UBE3C: variants seen among roughly 807,000 people sequenced by gnomAD.
UBE3C encodes ubiquitin-protein ligase E3C.
UBE3C carries 42 observed loss-of-function variants against 129.4 expected under a neutral mutation model. That is an observed-to-expected ratio of 0.32 (90% CI 0.25 to 0.42). UBE3C has a LOEUF of 0.42. Ranked by LOEUF, UBE3C falls within the 10% of genes least tolerant of loss-of-function variation. The pLI is 1.00. For missense variants in UBE3C, 1,049 were observed against 1,319.1 expected (o/e 0.80, Z 3.17); for synonymous variants, 510 against 492.4 (o/e 1.04, Z -0.47).
intron 1 of UBE3C, among the ~76,000 whole-genome samples, chr7:157,153,498 G>A (rs921115300): frequency 9.2e-5 from 14 of 152,214 alleles, no homozygotes; most frequent in African/African-American, 3.1e-4. Context: ...GTCTCACGGC[G>A]TTGCCCAGGC....
intron 8 of UBE3C, 52 bp downstream of exon 8, chr7:157,182,380 C>A: frequency 6.4e-7 from 1 of 1,568,074 alleles, no homozygotes; most frequent in South Asian, 1.2e-5. Flanking sequence ...GTAGCATTGG[C>A]AGATGAGTCA....
chr7:157,193,709 T>C (rs1441751670), intron 10 of UBE3C, among the ~76,000 whole-genome samples: 1 of 151,322 alleles, frequency 6.6e-6, no homozygotes, highest in African/African-American at 2.4e-5. Flanking sequence ...TAAGCAGACA[T>C]TTGAAACTTT....
Position 157,139,255 on chromosome 7 carries a change from A to G in UBE3C, c.-18A>G, listed in dbSNP as rs1309380249. 5 of 1,515,264 alleles carry G rather than the reference A, an allele frequency of 3.3e-6. No homozygotes were observed. The highest frequency in any genetic ancestry group is 5.4e-5 in the East Asian group (2 of 36,828). The allele number at this position is 1,515,264 out of a possible 1,614,324, so 93.9% of individuals were successfully genotyped here. On this transcript the variant is annotated 5_prime_UTR_variant, in exon 1 of 23. The change abolishes an upstream ATG in the 5' untranslated region. Transcript: ENST00000348165. ...GCTTCCGCGGCGGCGCTGCCCGCAC[A>G]TGGGCTAGGCTGCCAGGATGTTCAG...
intron 17 of UBE3C, among the ~76,000 whole-genome samples, chr7:157,227,075 A>G (rs748832775): frequency 4.6e-5 from 7 of 152,120 alleles, no homozygotes; most frequent in Non-Finnish European, 1.0e-4. Context: ...TTGGGATGGA[A>G]TTGTTTATTT....
At chr7:157,229,695 A>T (rs1795971072) in intron 17 of UBE3C, among the ~76,000 whole-genome samples, 1 of 152,000 alleles carries the variant, frequency 6.6e-6, no homozygotes, top group South Asian at 2.1e-4. Context: ...TGGTGCAATC[A>T]TAGCTCACTG....
At chr7:157,162,058 G>T (rs796754568) in intron 1 of UBE3C, among the ~76,000 whole-genome samples, 2 of 151,914 alleles carry the variant, frequency 1.3e-5, no homozygotes, top group Non-Finnish European at 2.9e-5. Context: ...GACAGAGCAC[G>T]ACTCTGTCTC....
At chr7:157,242,348 C>T (rs1056060980) in intron 18 of UBE3C, among the ~76,000 whole-genome samples, 2 of 152,136 alleles carry the variant, frequency 1.3e-5, no homozygotes, top group African/African-American at 4.8e-5. Context: ...TCATCGAAGG[C>T]ATCATTGTCC....
chr7:157,176,602 A>G (rs1026089506), intron 5 of UBE3C, among the ~76,000 whole-genome samples: 2 of 152,188 alleles, frequency 1.3e-5, no homozygotes, highest in African/African-American at 2.4e-5. Context: ...ACAACAAGAA[A>G]ACACTCCTCC....
chr7:157,206,408 A>G (rs1443580554), intron 11 of UBE3C, among the ~76,000 whole-genome samples: 3 of 151,788 alleles, frequency 2.0e-5, no homozygotes, highest in Non-Finnish European at 4.4e-5. Context: ...GATTACAGGC[A>G]CGTGCCACCA....
chr7:157,208,233 C>T (rs1459601588), intron 13 of UBE3C, among the ~76,000 whole-genome samples: 1 of 151,752 alleles, frequency 6.6e-6, no homozygotes, highest in East Asian at 1.9e-4. Flanking sequence ...TGCCACCACA[C>T]CCAGCTAATT....
chr7:157,199,256 G>C (rs889819758), intron 10 of UBE3C, among the ~76,000 whole-genome samples: 2 of 151,908 alleles, frequency 1.3e-5, no homozygotes, highest in African/African-American at 4.8e-5. Context: ...CGTATTTTTC[G>C]TAGCTTTTTT....
At chr7:157,159,967 TTTG>T (rs1808024163) in intron 1 of UBE3C, among the ~76,000 whole-genome samples, 1 of 152,254 alleles carries the variant, frequency 6.6e-6, no homozygotes, top group Admixed American at 6.5e-5. Context: ...CTCGTATTCT[TTTG>T]TTGTGATTAT....
chr7:157,147,286 T>G (rs758988758), intron 1 of UBE3C, among the ~76,000 whole-genome samples: 2 of 152,226 alleles, frequency 1.3e-5, no homozygotes, highest in Non-Finnish European at 2.9e-5. Context: ...TTTTAAGGGG[T>G]GCTAATGTGA....
chr7:157,182,166 A>T lies in UBE3C; in HGVS notation c.829A>T (p.Ile277Phe). The change falls in exon 8 of 23, where the codon ATT (isoleucine) becomes TTT (phenylalanine). Residue 277 changes from isoleucine (I) to phenylalanine (F), a missense_variant. By Grantham distance (21) the Ile-to-Phe change is conservative. This residue lies in a region of UBE3C where 489 missense variants were observed against 513.8 expected (regional missense o/e 0.95). Coordinates refer to ENST00000348165, the MANE Select transcript of UBE3C (RefSeq NM_014671.3). ...EFLAAPFTDQ[I>F]FHFIIPALAD... ...TCTGGCAGCACCTTTTACAGATCAG[A>T]TTTTTCATTTCATCATTCCGGCGCT... The T allele has an allele frequency of 6.2e-7, 1 of 1,612,200 alleles. No homozygotes were observed. The highest frequency in any genetic ancestry group is 8.5e-7 in the Non-Finnish European group (1 of 1,179,520).
chr7:157,156,729 AACAC>A (rs1429436715), intron 1 of UBE3C, among the ~76,000 whole-genome samples: 79 of 149,924 alleles, frequency 5.3e-4, no homozygotes, highest in Middle Eastern at 3.4e-3. Flanking sequence ...AAAAAAAAAA[AACAC>A]AAGCTAGAGC....
At chr7:157,191,219 C>T (rs1327069911) in intron 10 of UBE3C, among the ~76,000 whole-genome samples, 8 of 152,176 alleles carry the variant, frequency 5.3e-5, no homozygotes, top group South Asian at 2.1e-4. Flanking sequence ...CGGTGCGCCT[C>T]GAAGCGCAGT....
chr7:157,220,830 T>C, intron 15 of UBE3C, 54 bp downstream of exon 15: 1 of 1,579,538 alleles, frequency 6.3e-7, no homozygotes, highest in Non-Finnish European at 8.7e-7. Flanking sequence ...GCTGTCAAAT[T>C]CACTCCTTTA....
chr7:157,169,396 GA>G (rs1808304784), intron 3 of UBE3C, among the ~76,000 whole-genome samples: 1 of 148,284 alleles, frequency 6.7e-6, no homozygotes, highest in Non-Finnish European at 1.5e-5. Context: ...TTTAAATTGA[GA>G]CTGAGTCTCA....
intron 1 of UBE3C, among the ~76,000 whole-genome samples, chr7:157,141,088 G>A (rs994853346): frequency 2.6e-5 from 4 of 152,132 alleles, no homozygotes; most frequent in Non-Finnish European, 4.4e-5. Flanking sequence ...CTGCCCCTCC[G>A]GGATGAGGGT....
Sources: allele counts gnomAD v4.1 joint callset (sites outside exome capture counted in the v4.1 genomes callset), GRCh38; gene constraint gnomAD v4.1.1; regional missense constraint gnomAD v4.1.1; transcripts MANE v1.5; gene names NCBI Gene and HGNC (gene_info 2026-07-23, HGNC 2026-07-21).